Variants in SGSM1 observed in about 807,000 individuals in gnomAD.
The protein encoded by SGSM1 is RUN and TBC1 domain containing 2.
A neutral mutation model predicts 133.8 loss-of-function variants in SGSM1; 73 were observed. The observed-to-expected ratio is 0.55, with a 90% CI of 0.45 to 0.66. The LOEUF is 0.66. Among genes scored for constraint, SGSM1 ranks in the 30% least tolerant of loss-of-function variants. SGSM1 has a pLI of 0.00. For synonymous variants in SGSM1, 563 were observed against 573.0 expected, an observed-to-expected ratio of 0.98 and a Z score of 0.25; for missense variants, 1,213 against 1,448.1, an observed-to-expected ratio of 0.84 and a Z score of 2.64.
rs1488911658 is a variant in SGSM1, at chr22:24,886,649, A to T, written c.1691A>T (p.Gln564Leu). 1.9e-6 allele frequency: 3 copies of T among 1,558,768 alleles called. No homozygotes were observed. The highest frequency in any genetic ancestry group is 2.6e-6 in the Non-Finnish European group (3 of 1,151,426). Residue 564 changes from glutamine (Q) to leucine (L), a missense_variant, in exon 16 of 25, where the codon CAG becomes CTG. Coordinates refer to ENST00000400358, the MANE Select transcript of SGSM1 (RefSeq NM_001098497.3). ...CGCCTCATCTACTACGGGGGCATCCAGCCTGAGATCCGCAAGGCCGTGTGG... is the reference window on the plus strand; with the variant it reads ...CGCCTCATCTACTACGGGGGCATCCTGCCTGAGATCCGCAAGGCCGTGTGG... The part of the protein sequence containing the change: ...LLRLIYYGGI[Q>L]PEIRKAVWPF...
At chr22:24,828,867 G>C (rs113218956) in intron 2 of SGSM1, among the ~76,000 whole-genome samples, 2 of 152,186 alleles carry the variant, frequency 1.3e-5, no homozygotes, top group Admixed American at 6.5e-5. Context: ...AATGTGGTAC[G>C]TATGCACCAT....
chr22:24,813,133 G>T (rs1255557254), intron 2 of SGSM1, among the ~76,000 whole-genome samples: 1 of 152,202 alleles, frequency 6.6e-6, no homozygotes, highest in Non-Finnish European at 1.5e-5. Context: ...GTGTGTGCCT[G>T]GCAGAGGGAA....
chr22:24,820,266 G>A (rs1292136630), intron 2 of SGSM1, among the ~76,000 whole-genome samples: 1 of 152,082 alleles, frequency 6.6e-6, no homozygotes, highest in African/African-American at 2.4e-5. Flanking sequence ...GTCAAGGGGT[G>A]TCTGAGGAAC....
At position 24,867,094 on chromosome 22, in the gene SGSM1, G is replaced by T; in HGVS notation, c.928G>T (p.Val310Phe). The T allele has an allele frequency of 6.2e-7, 1 of 1,613,554 alleles. No homozygotes were observed. The highest frequency in any genetic ancestry group is 8.5e-7 in the Non-Finnish European group (1 of 1,179,796). The change falls in exon 10 of 25, where the codon GTC becomes TTC. Residue 310 changes from valine to phenylalanine, a missense_variant and splice_region_variant. Physicochemically the swap from Val to Phe is conservative, Grantham distance 50. Transcript: ENST00000400358. ...SVGDLDYEKS[V>F]YWDYAMTIRL... is the part of the protein sequence containing the mutation. ...GCCTGACCCTCCGTCCGCTTCCAGC[G>T]TCTACTGGGACTATGCCATGACCAT...
intron 2 of SGSM1, among the ~76,000 whole-genome samples, chr22:24,840,786 A>G (rs1282494464): frequency 6.6e-6 from 1 of 152,116 alleles, no homozygotes. Context: ...GTTCCTTCTT[A>G]GCACTGCTTT....
In SGSM1 at chr22:24,925,115, TG is replaced by T. The variant is rs1934153415; in HGVS notation, c.*844del. 6.6e-6 allele frequency: 1 copy of T among 152,270 alleles called. No individual in the cohort carries two copies. Among genetic ancestry groups the T allele is most frequent in the Non-Finnish European group, 1.5e-5 (1 of 68,138 alleles). 9.4% of individuals were successfully genotyped at this position (152,270 alleles called of 1,614,324 possible). ...GCTCACACCTGTAATCCCAGCACTT[TG>T]GGAGGCTAAGGTGGGCGGATCACAA... On this transcript the variant is annotated 3_prime_UTR_variant, in exon 25 of 25. Transcript: ENST00000400358.
At chr22:24,828,904 A>G (rs1387782599) in intron 2 of SGSM1, among the ~76,000 whole-genome samples, 2 of 152,154 alleles carry the variant, frequency 1.3e-5, no homozygotes, top group Admixed American at 1.3e-4. Flanking sequence ...ACACAAAAGA[A>G]TGAGATTGGC....
In SGSM1 at chr22:24,898,500, G is replaced by T; in HGVS notation, c.2551G>T (p.Ala851Ser). Residue 851 changes from alanine (A) to serine (S), a missense_variant, in exon 19 of 25, where the codon GCT (alanine) becomes TCT (serine). Transcript: ENST00000400358. ...TCTCTTCCCTGCCCTGGCTTCTCTG[G>T]CTGTGACTACTTCTGCCAACGAGGT... ...ESLFPALASL[A>S]VTTSANEVSP... The T allele has an allele frequency of 1.2e-6, 2 of 1,613,838 alleles. No homozygotes were observed. Among genetic ancestry groups the T allele is most frequent in the Non-Finnish European group, 1.7e-6 (2 of 1,179,836 alleles).
chr22:24,840,686 T>G (rs1327334622), intron 2 of SGSM1, among the ~76,000 whole-genome samples: 2 of 152,052 alleles, frequency 1.3e-5, no homozygotes, highest in Admixed American at 6.6e-5. Flanking sequence ...TGGATTTAGT[T>G]TGTTCTTCTT....
chr22:24,893,300 C>T, intron 16 of SGSM1, 131 bp from the exon 17 acceptor site: 1 of 910,798 alleles, frequency 1.1e-6, no homozygotes, highest in East Asian at 2.7e-5. Flanking sequence ...AGTAGGTGCT[C>T]AGTTAATATC....
intron 20 of SGSM1, 93 bp from the exon 21 acceptor site, chr22:24,905,011 AG>A: frequency 1.0e-6 from 1 of 976,152 alleles, no homozygotes; most frequent in African/African-American, 1.6e-5. Context: ...GGTCCAGGTG[AG>A]GGATTGGGGA....
chr22:24,834,781 C>T (rs555395342), intron 2 of SGSM1, among the ~76,000 whole-genome samples: 7 of 147,438 alleles, frequency 4.7e-5, no homozygotes, highest in South Asian at 2.1e-4. Flanking sequence ...TTTATTGTGA[C>T]GGAGTTTCAT....
At chr22:24,922,299 G>A (rs960066296) in intron 24 of SGSM1, among the ~76,000 whole-genome samples, 4 of 149,192 alleles carry the variant, frequency 2.7e-5, no homozygotes, top group African/African-American at 9.9e-5. Context: ...TCCTGCCTCA[G>A]CTTCCTGAAT....
At chr22:24,831,098 G>T (rs551734914) in intron 2 of SGSM1, among the ~76,000 whole-genome samples, 141 of 151,796 alleles carry the variant, frequency 9.3e-4, no homozygotes, top group African/African-American at 3.3e-3. Context: ...ACGGGTTCAC[G>T]CTGCAGGTTA....
intron 2 of SGSM1, chr22:24,843,317 G>C (rs541415980): frequency 6.5e-6 from 1 of 152,866 alleles, no homozygotes; most frequent in South Asian, 2.1e-4. Flanking sequence ...ACTGCCATGT[G>C]TTTCTGCAGA....
chr22:24,917,319 A>G (rs1933854510), intron 22 of SGSM1, among the ~76,000 whole-genome samples: 1 of 152,188 alleles, frequency 6.6e-6, no homozygotes, highest in East Asian at 1.9e-4. Context: ...GGAGCAGTGT[A>G]TGGGGGTTCC....
At position 24,807,267 on chromosome 22, in the gene SGSM1, G is replaced by C. The variant is rs150492023; in HGVS notation, c.63+783G>C. ...ATGCCTGGACTGCGTGCTCTGGTGT[G>C]TATACCTGCATGGGTGAGGACCTGT... On this transcript the variant is annotated intron_variant, in intron 2 of 24. Coordinates refer to ENST00000400358, the MANE Select transcript of SGSM1 (RefSeq NM_001098497.3). Among the ~76,000 whole-genome samples the C allele has an allele frequency of 1.3e-3, 199 of 152,312 alleles. 1 individual carries two copies. The highest frequency in any genetic ancestry group is 4.6e-3 in the African/African-American group (192 of 41,558).
intron 12 of SGSM1, chr22:24,874,651 T>C (rs1050284099): frequency 3.4e-5 from 50 of 1,485,484 alleles, no homozygotes; most frequent in Non-Finnish European, 1.3e-5. Flanking sequence ...ATTTGAGTTC[T>C]GGTCCCAAGG....
rs199879551 is a variant in SGSM1 at position 24,882,009 on chromosome 22, T to TG, written c.1496-2035dup. ...GTCAGCATCTCCCTGGTTACTGACT[T>TG]GGGGGGGGGCCTTTTTAATCCAGCT... On this transcript the variant is annotated intron_variant, in intron 14 of 24. Coordinates refer to ENST00000400358, the MANE Select transcript of SGSM1 (RefSeq NM_001098497.3). Among the ~76,000 whole-genome samples, 594 of 150,856 alleles carry TG rather than the reference T, an allele frequency of 3.9e-3. 5 individuals carry two copies. Among genetic ancestry groups the TG allele is most frequent in the South Asian group, 0.016 (76 of 4,748 alleles).
Sources: allele counts gnomAD v4.1 joint callset (sites outside exome capture counted in the v4.1 genomes callset), GRCh38; gene constraint gnomAD v4.1.1; transcripts MANE v1.5; gene names NCBI Gene and HGNC (gene_info 2026-07-23, HGNC 2026-07-21).